Variants in PROM1 observed in about 807,000 individuals in gnomAD.
PROM1 encodes prominin 1.
In PROM1, 105 loss-of-function variants were observed where a neutral mutation model predicts 116.9. The ratio of observed to expected loss-of-function variants is 0.90; its 90% CI spans 0.77 to 1.06. The LOEUF is 1.06. Ranked by LOEUF, PROM1 falls within the 50% of genes least tolerant of loss-of-function variation. The pLI is 0.00. For synonymous variants in PROM1, 393 were observed against 387.0 expected, an observed-to-expected ratio of 1.02 and a Z score of -0.18; for missense variants, 1,122 against 1,045.2, an observed-to-expected ratio of 1.07 and a Z score of -1.01.
At chr4:16,018,122 A>G (rs1029402740) in intron 9 of PROM1, among the ~76,000 whole-genome samples, 11 of 152,126 alleles carry the variant, frequency 7.2e-5, no homozygotes, top group African/African-American at 2.4e-4. Flanking sequence ...AACTCTCATG[A>G]AGCGGTTCCC....
intron 2 of PROM1, among the ~76,000 whole-genome samples, chr4:16,071,329 TTCTC>T (rs957924851): frequency 6.6e-6 from 1 of 152,186 alleles, no homozygotes; most frequent in African/African-American, 2.4e-5. Context: ...CTCACCTTCC[TTCTC>T]TCTCTAAAAC....
At chr4:15,994,323 C>G (rs1324660703) in intron 15 of PROM1, among the ~76,000 whole-genome samples, 3 of 152,202 alleles carry the variant, frequency 2.0e-5, no homozygotes, top group African/African-American at 7.2e-5. Flanking sequence ...TTCCATCTGT[C>G]TCCTACATGC....
chr4:16,074,054 A>G (rs943379841), intron 2 of PROM1, among the ~76,000 whole-genome samples: 5 of 152,210 alleles, frequency 3.3e-5, no homozygotes, highest in African/African-American at 1.2e-4. Flanking sequence ...CGACAACTGA[A>G]TTCTATGCCT....
At chr4:15,985,633 A>G in intron 22 of PROM1, 127 bp downstream of exon 22, 1 of 766,138 alleles carries the variant, frequency 1.3e-6, no homozygotes. Context: ...CTGCACATCA[A>G]TGTCCTTTCA....
chr4:15,990,562 G>A (rs1320636231), intron 18 of PROM1, among the ~76,000 whole-genome samples: 1 of 152,222 alleles, frequency 6.6e-6, no homozygotes, highest in Middle Eastern at 3.2e-3. Context: ...GTTTAGAAGT[G>A]GAGGGGTTGA....
At position 16,005,164 on chromosome 4, in the gene PROM1, T is replaced by C. The variant is rs145709052; in HGVS notation, c.1454+1374A>G. On this transcript the variant is annotated intron_variant, in intron 13 of 27. Coordinates refer to ENST00000447510, the MANE Select transcript of PROM1 (RefSeq NM_006017.3). Reference sequence around the variant, plus strand: ...TTTTAGTAGACATGGGGTTTCACCATGTTGGTCAGGCTGGTCTCGAACTCC... The same window carrying C: ...TTTTAGTAGACATGGGGTTTCACCACGTTGGTCAGGCTGGTCTCGAACTCC... 1.0e-2 allele frequency among the ~76,000 whole-genome samples: 1,521 copies of C among 152,130 alleles called. 22 individuals carry two copies. Among genetic ancestry groups the C allele is most frequent in the African/African-American group, 0.035 (1,437 of 41,470 alleles).
At chr4:16,065,550 T>A (rs932561831) in intron 2 of PROM1, among the ~76,000 whole-genome samples, 1 of 152,146 alleles carries the variant, frequency 6.6e-6, no homozygotes, top group Non-Finnish European at 1.5e-5. Context: ...CTCAGCTGAA[T>A]GTCAGCTTTT....
At chr4:16,071,247 A>G (rs1351876241) in intron 2 of PROM1, among the ~76,000 whole-genome samples, 1 of 152,164 alleles carries the variant, frequency 6.6e-6, no homozygotes, top group Non-Finnish European at 1.5e-5. Flanking sequence ...GCATCCAGCA[A>G]GGTGTACCGC....
rs560236734 is a variant in PROM1 at position 16,004,111 on chromosome 4, C to T, written c.1454+2427G>A. Among the ~76,000 whole-genome samples the T allele has an allele frequency of 2.0e-5, 3 of 152,332 alleles. No individual in the cohort carries two copies. The East Asian group carries it at 5.8e-4, about 29-fold the overall frequency. On this transcript the variant is annotated intron_variant, in intron 13 of 27. Coordinates refer to ENST00000447510, the MANE Select transcript of PROM1 (RefSeq NM_006017.3). The stretch of plus-strand genomic sequence containing the variant: ...ACGCTTGTATCATCTCCTCCTTTTG[C>T]AATTATCCAGTTGTTTACCAGATAC...
intron 2 of PROM1, 142 bp from the exon 3 acceptor site, chr4:16,039,143 G>T: frequency 1.5e-6 from 1 of 689,120 alleles, no homozygotes; most frequent in Non-Finnish European, 2.0e-6. Flanking sequence ...ATTTCTTAAT[G>T]TAGGTAAATA....
At chr4:16,024,700 C>CGT (rs908688136) in intron 6 of PROM1, among the ~76,000 whole-genome samples, 7 of 151,748 alleles carry the variant, frequency 4.6e-5, no homozygotes, top group Non-Finnish European at 8.8e-5. Context: ...AGTATGTGTA[C>CGT]GTGTGTGTGT....
At chr4:16,077,762 C>G (rs1291169823) in intron 1 of PROM1, among the ~76,000 whole-genome samples, 2 of 152,202 alleles carry the variant, frequency 1.3e-5, no homozygotes, top group East Asian at 3.8e-4. Flanking sequence ...GGGGCCCCAG[C>G]AATCCAGTAC....
At chr4:16,052,021 G>C (rs576014803) in intron 2 of PROM1, among the ~76,000 whole-genome samples, 2 of 152,158 alleles carry the variant, frequency 1.3e-5, no homozygotes, top group African/African-American at 4.8e-5. Context: ...ATGCCCAAAG[G>C]CTACCTTCTT....
intron 5 of PROM1, among the ~76,000 whole-genome samples, chr4:16,029,371 T>C (rs1732122650): frequency 6.6e-6 from 1 of 151,776 alleles, no homozygotes. Flanking sequence ...TTTTTTTTTT[T>C]CCTTCCATAA....
Position 16,063,098 on chromosome 4 carries a change from T to G in PROM1, c.220+12589A>C, listed in dbSNP as rs535793251. On this transcript the variant is annotated intron_variant, in intron 2 of 27. Coordinates refer to ENST00000447510, the MANE Select transcript of PROM1 (RefSeq NM_006017.3). ...AGGACACTATCTATAAAGGTGTTTT[T>G]CCCCCAAAATGAACCTGAATCTGAT... Among the ~76,000 whole-genome samples the G allele has an allele frequency of 3.9e-5, 6 of 152,220 alleles. No individual in the cohort carries two copies. The East Asian group carries it at 9.7e-4, about 24-fold the overall frequency.
rs61327798 is a variant in PROM1, at chr4:16,062,038, C to G, written c.220+13649G>C. 8.8e-3 allele frequency among the ~76,000 whole-genome samples: 1,341 copies of G among 152,112 alleles called. 38 individuals are homozygous for G. The highest frequency in any genetic ancestry group is 0.065 in the East Asian group (335 of 5,156). On this transcript the variant is annotated intron_variant, in intron 2 of 27. Transcript: ENST00000447510. ...CCCGGAGTAGCTGGGACTACGGGCG[C>G]CTGCCACCACGCCCGGCTAATTTTT...
At chr4:16,059,379 T>G (rs1378023241) in intron 2 of PROM1, among the ~76,000 whole-genome samples, 2 of 152,166 alleles carry the variant, frequency 1.3e-5, no homozygotes, top group Non-Finnish European at 2.9e-5. Flanking sequence ...TGGTTCAACA[T>G]TTATGGAGTG....
intron 10 of PROM1, among the ~76,000 whole-genome samples, chr4:16,015,963 A>C (rs1325595447): frequency 6.6e-6 from 1 of 152,138 alleles, no homozygotes; most frequent in Non-Finnish European, 1.5e-5. Context: ...TTAGCATGCC[A>C]CTTCACACAT....
At chr4:16,049,126 A>G (rs1361564003) in intron 2 of PROM1, among the ~76,000 whole-genome samples, 1 of 152,236 alleles carries the variant, frequency 6.6e-6, no homozygotes, top group Admixed American at 6.5e-5. Flanking sequence ...CACTGCCAAA[A>G]TATTTGTGGA....
Sources: gnomAD v4.1 joint callset for allele counts (sites outside exome capture counted in the v4.1 genomes callset) on GRCh38, gnomAD v4.1.1 for gene constraint, MANE v1.5 for transcripts, NCBI Gene and HGNC (gene_info 2026-07-23, HGNC 2026-07-21) for gene names.